Variants in ANO7 observed in about 807,000 individuals in gnomAD.
ANO7 encodes anoctamin-7.
Under a neutral mutation model 115.8 loss-of-function variants are expected in ANO7, and 114 were observed. The observed-to-expected ratio is 0.98, with a 90% confidence interval of 0.85 to 1.15. The LOEUF is 1.15. ANO7 is among the 50% of genes most tolerant of loss of function. The pLI, the probability that ANO7 is intolerant of heterozygous loss-of-function variation, is 0.00. For missense variants in ANO7, 1,302 were observed against 1,201.2 expected, an observed-to-expected ratio of 1.08 and a Z score of -1.24; for synonymous variants, 550 against 498.2, an observed-to-expected ratio of 1.10 and a Z score of -1.38.
chr2:241,211,465 T>C (rs1165801455), intron 15 of ANO7, among the ~76,000 whole-genome samples: 1 of 152,240 alleles, frequency 6.6e-6, no homozygotes, highest in Admixed American at 6.5e-5. Flanking sequence ...AGCCCCACCC[T>C]GGAGCCCAGG....
intron 10 of ANO7, 83 bp from the exon 11 acceptor site, chr2:241,207,491 A>T: frequency 9.4e-7 from 1 of 1,060,252 alleles, no homozygotes; most frequent in Non-Finnish European, 1.5e-6. Flanking sequence ...AGGGAGAGAG[A>T]GGACAAGGGA....
At chr2:241,229,591 T>C (rs2069466910), downstream of ANO7, 5 of 1,608,364 alleles carry the variant, frequency 3.1e-6, no homozygotes, top group Non-Finnish European at 4.3e-6. Flanking sequence ...GGTTCTGTTC[T>C]TTTTGATCAT....
the ANO7 span, chr2:241,235,010 A>G: frequency 4.4e-6 from 6 of 1,357,618 alleles, no homozygotes; most frequent in South Asian, 6.7e-5. Flanking sequence ...TCTCACCTCC[A>G]GCCAGATGTC....
the ANO7 span, chr2:241,239,875 G>C: frequency 1.9e-6 from 3 of 1,612,384 alleles, no homozygotes; most frequent in Non-Finnish European, 2.5e-6. This position sits in a 1 kb window ranked among gnomAD's most constrained non-coding sequence, Gnocchi z 4.6. Flanking sequence ...CCCCAGCAGA[G>C]TCGGCCGCCG....
chr2:241,203,615 G>C lies in ANO7; in HGVS notation c.889+117G>C, dbSNP rs1388463552. ...AGCGTGCGTGGGGGCCTGGACGGTG[G>C]GCGCAGCTCTTGGCTCGACCGGGCT... is the stretch of plus-strand genomic sequence containing the variant. On this transcript the variant is annotated intron_variant, in intron 9 of 24. Transcript: ENST00000674324. This position sits in a 1 kb window ranked among gnomAD's most constrained non-coding sequence, Gnocchi z 4.8. 1.3e-6 allele frequency: 1 copy of C among 741,010 alleles called. No individual in the cohort carries two copies. Among genetic ancestry groups the C allele is most frequent in the Non-Finnish European group, 2.0e-6 (1 of 488,774 alleles). 45.9% of individuals were successfully genotyped at this position (741,010 alleles called of 1,614,324 possible). A position where few individuals can be genotyped will look rare whatever the true frequency, so the allele number is the denominator to read the frequency against.
At position 241,223,225 on chromosome 2, in the gene ANO7, G is replaced by C; in HGVS notation, c.2361G>C (p.Gln787His). The C allele has an allele frequency of 6.2e-7, 1 of 1,614,238 alleles. No homozygotes were observed. The highest frequency in any genetic ancestry group is 8.5e-7 in the Non-Finnish European group (1 of 1,180,038). The stretch of plus-strand genomic sequence containing the variant: ...GGGATGACGATGGACATTATTCCCA[G>C]ACCTACTGGAATCTTCTTGCCATCC... The part of the protein sequence containing the change: ...AFRDDDGHYS[Q>H]TYWNLLAIRL... Residue 787 changes from glutamine to histidine, a missense_variant, in exon 22 of 25, where the codon CAG becomes CAC. Physicochemically the swap from Gln to His is conservative, Grantham distance 24. Coordinates refer to ENST00000674324, the MANE Select transcript of ANO7 (RefSeq NM_001370694.2).
At chr2:241,207,748 C>T (rs751983008) in intron 11 of ANO7, 78 bp downstream of exon 11, 491 of 1,344,240 alleles carry the variant, frequency 3.7e-4, no homozygotes, top group Non-Finnish European at 4.8e-4. Flanking sequence ...CTGGTCCTGA[C>T]TCTGCCTGCA....
chr2:241,217,157 G>T (rs1168558956), intron 19 of ANO7, among the ~76,000 whole-genome samples: 1 of 152,206 alleles, frequency 6.6e-6, no homozygotes, highest in Non-Finnish European at 1.5e-5. Flanking sequence ...CTAGCAAGCG[G>T]GCATGTGAGC....
At chr2:241,193,040 G>T (rs1356068699) in intron 3 of ANO7, among the ~76,000 whole-genome samples, 1 of 151,922 alleles carries the variant, frequency 6.6e-6, no homozygotes, top group African/African-American at 2.4e-5. Flanking sequence ...TGGTTAAGAT[G>T]GTTTTTTGTT....
the ANO7 span, chr2:241,233,935 G>A: frequency 6.2e-7 from 1 of 1,614,184 alleles, no homozygotes; most frequent in Non-Finnish European, 8.5e-7. This position sits in a 1 kb window ranked among gnomAD's most constrained non-coding sequence, Gnocchi z 4.3. Flanking sequence ...GGGGTCTACA[G>A]TGACACTCAG....
chr2:241,209,885 G>A (rs1410398943), intron 13 of ANO7, among the ~76,000 whole-genome samples: 1 of 152,148 alleles, frequency 6.6e-6, no homozygotes, highest in Non-Finnish European at 1.5e-5. Flanking sequence ...TTCAAGCAAG[G>A]GGGTTGGTTT....
In ANO7 at chr2:241,209,610, C is replaced by A. The variant is rs1574781600; in HGVS notation, c.1334C>A (p.Ala445Asp). 3 of 1,588,500 alleles carry A rather than the reference C, an allele frequency of 1.9e-6. No individual in the cohort carries two copies. Among genetic ancestry groups the A allele is most frequent in the South Asian group, 2.3e-5 (2 of 87,470 alleles). The change falls in exon 13 of 25, where the codon GCC (alanine) becomes GAC (aspartate). Residue 445 changes from alanine to aspartate, a missense_variant. Coordinates refer to ENST00000674324, the MANE Select transcript of ANO7 (RefSeq NM_001370694.2). ...PERSRARRML[A>D]GSVVIVVMVA... ...AGGAGCCGCGCGCGCCGCATGCTGG[C>A]CGGCTCTGTGGTGATCGTGGTGATG...
rs952873378 is a variant in ANO7, at chr2:241,214,870, G to A, written c.1794G>A (p.Gln598=). Residue 598 remains glutamine, a synonymous_variant, in exon 18 of 25, where the codon CAG becomes CAA. Coordinates refer to ENST00000674324, the MANE Select transcript of ANO7 (RefSeq NM_001370694.2). ...TCCTGGTCATCATGGTGGGCAAGCA[G>A]GTCATCAACAACATGCAGGAGGTCC... is the stretch of plus-strand genomic sequence containing the variant. The part of the protein sequence containing the change: ...QELLVIMVGK[Q]VINNMQEVLI... The A allele has an allele frequency of 6.2e-7, 1 of 1,612,984 alleles. No individual in the cohort carries two copies. Among genetic ancestry groups the A allele is most frequent in the Non-Finnish European group, 8.5e-7 (1 of 1,179,956 alleles).
In ANO7 at chr2:241,224,989, C is replaced by T. The variant is rs2069124043; in HGVS notation, c.*836C>T. ...GGGATGAGAGGAGGAAACGTGTATA[C>T]CTGTAACATCTGGTGGCTCTTCCCC... On this transcript the variant is annotated 3_prime_UTR_variant, in exon 25 of 25. Coordinates refer to ENST00000674324, the MANE Select transcript of ANO7 (RefSeq NM_001370694.2). The T allele has an allele frequency of 6.6e-6, 1 of 152,226 alleles. No homozygotes were observed. The highest frequency in any genetic ancestry group is 1.5e-5 in the Non-Finnish European group (1 of 68,074). The allele number at this position is 152,226 out of a possible 1,614,324, so 9.4% of individuals were successfully genotyped here. A position where few individuals can be genotyped will look rare whatever the true frequency, so the allele number is the denominator to read the frequency against.
At position 241,209,439 on chromosome 2, in the gene ANO7, C is replaced by T; in HGVS notation, c.1221+11C>T. ...TACGAGGACACTGAGGTGAGCCACC[C>T]CCGCTGGACCACGGTCACACCCGGC... On this transcript the variant is annotated intron_variant, in intron 12 of 24. Transcript: ENST00000674324. The T allele has an allele frequency of 6.3e-7, 1 of 1,597,216 alleles. No homozygotes were observed. The highest frequency in any genetic ancestry group is 1.1e-5 in the South Asian group (1 of 88,986).
At chr2:241,221,132 C>T (rs187198573) in intron 21 of ANO7, among the ~76,000 whole-genome samples, 8,506 of 145,918 alleles carry the variant, frequency 0.058, 830 homozygotes, top group African/African-American at 0.2. Flanking sequence ...AGTGCAATGG[C>T]GCGATCTTGG....
rs1226850329 is a variant in ANO7 at position 241,210,679 on chromosome 2, C to A, written c.1561+109C>A. On this transcript the variant is annotated intron_variant, in intron 15 of 24. Coordinates refer to ENST00000674324, the MANE Select transcript of ANO7 (RefSeq NM_001370694.2). ...ACACACATGGCCCTCATTTCTATTTCTTTCTTCTTTTTTCTTTTGAGACAG... is the reference window on the plus strand; with the variant it reads ...ACACACATGGCCCTCATTTCTATTTATTTCTTCTTTTTTCTTTTGAGACAG... The A allele has an allele frequency of 9.7e-5, 90 of 924,714 alleles. No individual in the cohort carries two copies. In the South Asian group the frequency reaches 1.2e-3, roughly 13 times the overall value. The allele number at this position is 924,714 out of a possible 1,614,324, so 57.3% of individuals were successfully genotyped here. A position where few individuals can be genotyped will look rare whatever the true frequency, so the allele number is the denominator to read the frequency against.
chr2:241,212,296 C>G, intron 16 of ANO7, 91 bp downstream of exon 16: 9 of 1,295,592 alleles, frequency 6.9e-6, no homozygotes, highest in Non-Finnish European at 1.0e-5. Flanking sequence ...GTCATCCAGC[C>G]GTGCTCAGGC....
intron 3 of ANO7, among the ~76,000 whole-genome samples, chr2:241,194,170 T>C (rs1012391746): frequency 4.1e-5 from 6 of 145,296 alleles, no homozygotes; most frequent in Non-Finnish European, 9.0e-5. Flanking sequence ...CCACCGTACC[T>C]GGCCTTTAAT....
Sources: gnomAD v4.1 joint callset for allele counts (sites outside exome capture counted in the v4.1 genomes callset) on GRCh38, gnomAD v4.1.1 for gene constraint, Gnocchi (gnomAD v3.1) non-coding constraint, MANE v1.5 for transcripts, NCBI Gene and HGNC (gene_info 2026-07-23, HGNC 2026-07-21) for gene names.